The following CTNNAL1 variants were observed in gnomAD, a reference collection of about 807,000 sequenced individuals.
CTNNAL1 encodes the protein catenin alpha like 1.
Under a neutral mutation model 93.6 loss-of-function variants are expected in CTNNAL1, and 69 were observed. That is an observed-to-expected ratio of 0.74 (90% confidence interval 0.61 to 0.90). The LOEUF (loss-of-function observed/expected upper bound fraction) is 0.90, where lower values mean the gene tolerates loss of function less well. Among genes scored for constraint, CTNNAL1 ranks in the 40% least tolerant of loss-of-function variants. CTNNAL1 has a pLI of 0.00. For missense variants in CTNNAL1, 836 were observed against 862.0 expected (o/e 0.97, Z 0.38); for synonymous variants, 286 against 305.4 (o/e 0.94, Z 0.66).
intron 11 of CTNNAL1, among the ~76,000 whole-genome samples, chr9:108,960,580 A>G (rs980730838): frequency 6.6e-6 from 1 of 152,232 alleles, no homozygotes; most frequent in Admixed American, 6.5e-5. Context: ...GATTGTGATC[A>G]TAACTGCCCT....
intron 9 of CTNNAL1, 135 bp from the exon 10 acceptor site, chr9:108,970,629 G>C: frequency 1.5e-6 from 1 of 657,858 alleles, no homozygotes; most frequent in Middle Eastern, 4.4e-4. Context: ...AAACATTACT[G>C]AGAAGATTAT....
intron 6 of CTNNAL1, among the ~76,000 whole-genome samples, chr9:108,980,879 G>T (rs1186160791): frequency 1.3e-5 from 2 of 152,000 alleles, no homozygotes; most frequent in East Asian, 3.9e-4. Flanking sequence ...GTTTTGTGGG[G>T]TTTTTTTAAA....
At chr9:108,990,467 T>C (rs1279427559) in intron 4 of CTNNAL1, among the ~76,000 whole-genome samples, 2 of 152,156 alleles carry the variant, frequency 1.3e-5, no homozygotes, top group African/African-American at 4.8e-5. Context: ...AAGGAAGAAG[T>C]ACTTGAGTTG....
chr9:108,997,705 C>A (rs1832074541), intron 2 of CTNNAL1, among the ~76,000 whole-genome samples: 2 of 152,104 alleles, frequency 1.3e-5, no homozygotes, highest in Non-Finnish European at 2.9e-5. Flanking sequence ...TGTTCATATC[C>A]CAAATCTTGG....
intron 2 of CTNNAL1, among the ~76,000 whole-genome samples, chr9:108,994,863 C>T (rs1831955879): frequency 1.3e-5 from 2 of 152,154 alleles, no homozygotes; most frequent in South Asian, 2.1e-4. Flanking sequence ...CATAAGCAGC[C>T]CTTACTACAC....
chr9:108,994,891 G>C (rs187705663), intron 2 of CTNNAL1, among the ~76,000 whole-genome samples: 1 of 152,166 alleles, frequency 6.6e-6, no homozygotes, highest in African/African-American at 2.4e-5. Flanking sequence ...TACGTGGAGA[G>C]GAAGTGAGGC....
chr9:109,013,201 AGT>A (rs999735076), intron 1 of CTNNAL1, 99 bp downstream of exon 1: 1 of 1,328,680 alleles, frequency 7.5e-7, no homozygotes, highest in African/African-American at 1.6e-5. Flanking sequence ...CGGCGCGGAA[AGT>A]GGGGCAGCGG....
At chr9:108,956,230 A>T (rs1320682834) in intron 11 of CTNNAL1, among the ~76,000 whole-genome samples, 1 of 152,242 alleles carries the variant, frequency 6.6e-6, no homozygotes, top group Admixed American at 6.5e-5. Context: ...ACCAGACCAA[A>T]TAATTTACAA....
intron 11 of CTNNAL1, among the ~76,000 whole-genome samples, chr9:108,958,063 C>CAAAAA (rs11291554): frequency 1.7e-3 from 145 of 85,038 alleles, no homozygotes; most frequent in Middle Eastern, 0.013. Flanking sequence ...AAGACTGTCT[C>CAAAAA]AAAAAAAAAA....
intron 14 of CTNNAL1, among the ~76,000 whole-genome samples, chr9:108,949,426 G>A (rs940126545): frequency 9.9e-5 from 15 of 152,102 alleles, no homozygotes; most frequent in Middle Eastern, 3.2e-3. Context: ...TTAAAAAGTT[G>A]GCCAAGCGCG....
intron 4 of CTNNAL1, among the ~76,000 whole-genome samples, 193 bp downstream of exon 4, chr9:108,990,533 T>C (rs1302011362): frequency 1.3e-5 from 2 of 152,146 alleles, no homozygotes; most frequent in African/African-American, 4.8e-5. Flanking sequence ...CAAAATTAAC[T>C]GTTATAAATG....
At chr9:108,992,120 G>T in intron 3 of CTNNAL1, 2 of 743,622 alleles carry the variant, frequency 2.7e-6, no homozygotes, top group Non-Finnish European at 5.0e-6. Context: ...TTATCAACTA[G>T]GTTTCTGCTA....
At chr9:109,008,426 C>T (rs537055176) in intron 1 of CTNNAL1, among the ~76,000 whole-genome samples, 52 of 152,162 alleles carry the variant, frequency 3.4e-4, no homozygotes, top group South Asian at 2.9e-3. Flanking sequence ...GGATTACAGG[C>T]GTGAGCCACC....
chr9:108,972,864 G>GGGGGGGGGGCTGCCC, intron 8 of CTNNAL1, 31 bp from the exon 9 acceptor site: 1 of 142,590 alleles, frequency 7.0e-6, no homozygotes, highest in Non-Finnish European at 1.0e-5. Flanking sequence ...GGGGGGGTGG[G>GGGGGGGGGGCTGCCC]AGGGTGGAGA....
At chr9:108,967,065 A>G (rs1263591393) in intron 10 of CTNNAL1, among the ~76,000 whole-genome samples, 1 of 152,198 alleles carries the variant, frequency 6.6e-6, no homozygotes, top group African/African-American at 2.4e-5. Context: ...GACAACAGGC[A>G]CTGATTCTGT....
rs1203147030 is a variant in CTNNAL1, at chr9:108,950,628, A to G, written c.1835+1581T>C. ...TATAGGAAGGAATCTTCACGAGCAC[A>G]GGATCCCTCACTTCTGTCTGCTGCC... On this transcript the variant is annotated intron_variant, in intron 14 of 18. Transcript: ENST00000325551. 3.9e-6 allele frequency: 6 copies of G among 1,547,954 alleles called. No homozygotes were observed. The South Asian group carries it at 7.2e-5, about 19-fold the overall frequency.
intron 12 of CTNNAL1, among the ~76,000 whole-genome samples, chr9:108,955,306 TC>T (rs1298240321): frequency 1.3e-5 from 2 of 152,082 alleles, no homozygotes; most frequent in African/African-American, 2.4e-5. Context: ...AATATTTTTG[TC>T]CCCCAAAAGG....
chr9:108,953,637 C>T (rs1830621123), intron 12 of CTNNAL1, among the ~76,000 whole-genome samples: 1 of 152,150 alleles, frequency 6.6e-6, no homozygotes, highest in South Asian at 2.1e-4. Flanking sequence ...TGACTTTTTA[C>T]TTCTGACCAA....
intron 8 of CTNNAL1, among the ~76,000 whole-genome samples, chr9:108,975,171 A>G (rs191912542): frequency 6.6e-6 from 1 of 152,262 alleles, no homozygotes; most frequent in African/African-American, 2.4e-5. Context: ...TCAAAAAAAT[A>G]AATAAATAAA....
Sources: allele counts gnomAD v4.1 joint callset (sites outside exome capture counted in the v4.1 genomes callset), GRCh38; gene constraint gnomAD v4.1.1; transcripts MANE v1.5; gene names NCBI Gene and HGNC (gene_info 2026-07-23, HGNC 2026-07-21).